The following MAGI2 variants were observed in gnomAD, a reference collection of about 807,000 sequenced individuals.
The protein encoded by MAGI2 is membrane-associated guanylate kinase, WW and PDZ domain-containing protein 2.
In MAGI2, 35 loss-of-function variants were observed where a neutral mutation model predicts 133.3. The observed-to-expected ratio is 0.26, with a 90% CI of 0.20 to 0.35. The LOEUF is 0.35. Ranked by LOEUF, MAGI2 falls within the 10% of genes least tolerant of loss-of-function variation. The pLI is 1.00. For missense variants in MAGI2, 1,636 were observed against 1,863.4 expected, an observed-to-expected ratio of 0.88 and a Z score of 2.25; for synonymous variants, 729 against 710.6, an observed-to-expected ratio of 1.03 and a Z score of -0.41.
chr7:78,839,928 A>G (rs1791978189), intron 2 of MAGI2, among the ~76,000 whole-genome samples: 1 of 152,098 alleles, frequency 6.6e-6, no homozygotes, highest in Admixed American at 6.6e-5. Flanking sequence ...TTTATGCCAT[A>G]ATTGTCAAAG....
At chr7:78,377,568 G>A (rs1794557598) in intron 6 of MAGI2, among the ~76,000 whole-genome samples, 1 of 150,906 alleles carries the variant, frequency 6.6e-6, no homozygotes, top group Non-Finnish European at 1.5e-5. Flanking sequence ...ACTTGGCTAT[G>A]AAGGAAAAAA....
chr7:78,410,069 C>T (rs923359990), intron 6 of MAGI2, among the ~76,000 whole-genome samples: 4 of 151,876 alleles, frequency 2.6e-5, no homozygotes, highest in African/African-American at 9.7e-5. Context: ...TCTCAGTCCA[C>T]GACCCCCGGG....
chr7:79,345,152 T>G (rs980894833), intron 1 of MAGI2, among the ~76,000 whole-genome samples: 4 of 150,488 alleles, frequency 2.7e-5, no homozygotes, highest in African/African-American at 9.8e-5. Context: ...CAGATGTAAT[T>G]AGTTAAGATA....
chr7:78,494,028 G>GC, intron 5 of MAGI2, among the ~76,000 whole-genome samples: 1 of 151,954 alleles, frequency 6.6e-6, no homozygotes, highest in Non-Finnish European at 1.5e-5. Context: ...CCAGGCAGGA[G>GC]TGCAATGGCA....
chr7:79,235,780 G>A (rs1563028858), intron 1 of MAGI2, among the ~76,000 whole-genome samples: 1 of 152,214 alleles, frequency 6.6e-6, no homozygotes, highest in Non-Finnish European at 1.5e-5. Flanking sequence ...GGGAGCTGTA[G>A]ACCGGAGCTG....
chr7:78,033,014 A>G (rs1311452916), intron 21 of MAGI2, among the ~76,000 whole-genome samples: 4 of 152,134 alleles, frequency 2.6e-5, no homozygotes, highest in Admixed American at 2.6e-4. Flanking sequence ...TGGTATTTTA[A>G]AAGGCCAAAC....
chr7:79,438,182 A>G (rs1380347189), intron 1 of MAGI2, among the ~76,000 whole-genome samples: 1 of 152,130 alleles, frequency 6.6e-6, no homozygotes, highest in Non-Finnish European at 1.5e-5. Context: ...GTGACCAAAA[A>G]TGTTTGTCAA....
intron 1 of MAGI2, chr7:79,125,613 C>T: frequency 2.0e-6 from 1 of 512,312 alleles, no homozygotes. Context: ...GTAGTGAAAG[C>T]AATTTTGGAG....
At chr7:79,046,731 T>C (rs1487801763) in intron 1 of MAGI2, among the ~76,000 whole-genome samples, 1 of 152,220 alleles carries the variant, frequency 6.6e-6, no homozygotes, top group African/African-American at 2.4e-5. Context: ...ACTGAAGTCT[T>C]GTAAATCAGG....
chr7:79,418,362 A>G (rs1203555587), intron 1 of MAGI2, among the ~76,000 whole-genome samples: 1 of 152,096 alleles, frequency 6.6e-6, no homozygotes, highest in Non-Finnish European at 1.5e-5. Context: ...CAAACTAATA[A>G]TGTTGGTAGC....
At chr7:78,340,737 C>T (rs1335929476) in intron 9 of MAGI2, among the ~76,000 whole-genome samples, 3 of 152,074 alleles carry the variant, frequency 2.0e-5, no homozygotes, top group African/African-American at 7.2e-5. Flanking sequence ...GCAGAAAAGG[C>T]CTTCGAGAAA....
At chr7:78,882,401 G>A (rs767598437) in intron 2 of MAGI2, among the ~76,000 whole-genome samples, 7 of 151,788 alleles carry the variant, frequency 4.6e-5, no homozygotes, top group African/African-American at 7.3e-5. Context: ...AAAAGCCCGC[G>A]ACCAGATTGA....
At chr7:79,179,734 G>A (rs1047874843) in intron 1 of MAGI2, among the ~76,000 whole-genome samples, 1 of 151,932 alleles carries the variant, frequency 6.6e-6, no homozygotes, top group Non-Finnish European at 1.5e-5. Context: ...GCAGAAGAAT[G>A]AAACTAGATT....
chr7:79,121,375 C>T (rs1819877225), intron 1 of MAGI2, among the ~76,000 whole-genome samples: 1 of 152,062 alleles, frequency 6.6e-6, no homozygotes, highest in African/African-American at 2.4e-5. Flanking sequence ...TTCTGCTTTC[C>T]AGCAGGAGGT....
At chr7:78,131,546 C>A (rs1230413243) in intron 18 of MAGI2, among the ~76,000 whole-genome samples, 1 of 152,154 alleles carries the variant, frequency 6.6e-6, no homozygotes, top group African/African-American at 2.4e-5. Context: ...ACATTAGAAT[C>A]ATTAAAAAGG....
At chr7:78,978,722 T>C (rs1377470884) in intron 2 of MAGI2, among the ~76,000 whole-genome samples, 1 of 151,852 alleles carries the variant, frequency 6.6e-6, no homozygotes, top group Non-Finnish European at 1.5e-5. Context: ...TTATTACAAA[T>C]GTATGCAACA....
intron 1 of MAGI2, among the ~76,000 whole-genome samples, chr7:79,021,234 GTGGGTTT>G (rs1809298684): frequency 6.6e-6 from 1 of 152,248 alleles, no homozygotes; most frequent in South Asian, 2.1e-4. Flanking sequence ...GAAGGGAAAT[GTGGGTTT>G]GGAGCCCCCA....
At chr7:78,428,374 T>C (rs1182305922) in intron 6 of MAGI2, among the ~76,000 whole-genome samples, 2 of 152,224 alleles carry the variant, frequency 1.3e-5, no homozygotes, top group Admixed American at 6.6e-5. Flanking sequence ...TGCAAATGTT[T>C]ATCTTGAAAA....
chr7:78,421,067 G>A (rs1798747738), intron 6 of MAGI2, among the ~76,000 whole-genome samples: 1 of 152,176 alleles, frequency 6.6e-6, no homozygotes, highest in African/African-American at 2.4e-5. Context: ...ACTCAAGGAT[G>A]AAATTGTGGA....
Sources: gnomAD v4.1 joint callset for allele counts (sites outside exome capture counted in the v4.1 genomes callset) on GRCh38, gnomAD v4.1.1 for gene constraint, MANE v1.5 for transcripts, NCBI Gene and HGNC (gene_info 2026-07-23, HGNC 2026-07-21) for gene names.